CUL3: variants seen among roughly 807,000 people sequenced by gnomAD.
CUL3 encodes the protein cullin-3.
A neutral mutation model predicts 89.1 loss-of-function variants in CUL3; 19 were observed. The ratio of observed to expected loss-of-function variants is 0.21; its 90% CI spans 0.15 to 0.31. CUL3 has a LOEUF of 0.31. Ranked by LOEUF, CUL3 falls within the 10% of genes least tolerant of loss-of-function variation. The pLI is 1.00. For synonymous variants in CUL3, 351 were observed against 308.4 expected, an observed-to-expected ratio of 1.14 and a Z score of -1.45; for missense variants, 469 against 942.3, an observed-to-expected ratio of 0.50 and a Z score of 6.58.
At position 224,585,229 on chromosome 2, in the gene CUL3, G is replaced by A. The variant is rs193226396; in HGVS notation, c.-220C>T. On this transcript the variant is annotated 5_prime_UTR_variant, in exon 1 of 16. Transcript: ENST00000264414. ...GACTCTGGCGACTCCGATGCGGCTG[G>A]GGGGCTGCGCTGGCGCGGCGGCTCC... is the stretch of plus-strand genomic sequence containing the variant. 0.034 allele frequency: 13,314 copies of A among 387,820 alleles called. 298 individuals are homozygous for A. The highest frequency in any genetic ancestry group is 0.044 in the Non-Finnish European group (9,866 of 222,224). 24.0% of individuals were successfully genotyped at this position (387,820 alleles called of 1,614,324 possible).
rs569590885 is a variant in CUL3, at chr2:224,535,209, C to T, written c.378+319G>A. 2.6e-5 allele frequency among the ~76,000 whole-genome samples: 4 copies of T among 152,202 alleles called. No homozygotes were observed. In the South Asian group the frequency reaches 6.2e-4, roughly 24 times the overall value. Reference sequence around the variant, plus strand: ...TGAAATGTTTAATTTCTTTTTGAGACGGAGTTTCACTCTGTTGCCCAAGTG... The same window carrying T: ...TGAAATGTTTAATTTCTTTTTGAGATGGAGTTTCACTCTGTTGCCCAAGTG... On this transcript the variant is annotated intron_variant, in intron 3 of 15. Transcript: ENST00000264414.
At chr2:224,540,953 A>G (rs1694080320) in intron 2 of CUL3, among the ~76,000 whole-genome samples, 1 of 152,232 alleles carries the variant, frequency 6.6e-6, no homozygotes, top group African/African-American at 2.4e-5. Context: ...CCTTTGGTTT[A>G]GAAGAAAAAT....
At chr2:224,478,526 T>C in intron 14 of CUL3, 181 bp from the exon 15 acceptor site, 1 of 454,624 alleles carries the variant, frequency 2.2e-6, no homozygotes, top group South Asian at 6.7e-5. Flanking sequence ...TACTAAATTA[T>C]CCTTTTCAAA....
chr2:224,583,688 A>G (rs1054135145), intron 1 of CUL3, among the ~76,000 whole-genome samples: 4 of 152,228 alleles, frequency 2.6e-5, no homozygotes, highest in African/African-American at 7.2e-5. Flanking sequence ...ATGTTCTTAC[A>G]ATTTCAGAAT....
chr2:224,499,525 T>C (rs924891478), intron 11 of CUL3: 6 of 230,650 alleles, frequency 2.6e-5, no homozygotes, highest in Admixed American at 1.6e-4. Context: ...CCAGTAGATG[T>C]TCTAGAGTAG....
intron 8 of CUL3, chr2:224,504,358 C>CTGGA (rs1692508488): frequency 6.6e-6 from 1 of 152,194 alleles, no homozygotes; most frequent in African/African-American, 2.4e-5. Context: ...GTTGCCCAGG[C>CTGGA]TGGAGCGCAA....
intron 1 of CUL3, chr2:224,560,311 A>G (rs1694863030): frequency 6.6e-6 from 1 of 151,650 alleles, no homozygotes; most frequent in Non-Finnish European, 1.5e-5. Flanking sequence ...GAGTTGATCT[A>G]TTCTCATGGT....
intron 2 of CUL3, among the ~76,000 whole-genome samples, chr2:224,537,586 T>G (rs78495440): frequency 1.4e-3 from 207 of 152,272 alleles, no homozygotes; most frequent in Middle Eastern, 0.01. Flanking sequence ...CCCAGCAAGC[T>G]GAAAACGTGC....
chr2:224,490,845 CAG>C (rs902690154), intron 13 of CUL3, among the ~76,000 whole-genome samples: 3 of 152,054 alleles, frequency 2.0e-5, no homozygotes, highest in African/African-American at 7.2e-5. Flanking sequence ...TTTTTAATAA[CAG>C]AGAATACAAC....
At chr2:224,516,223 T>C (rs1341930491) in intron 3 of CUL3, among the ~76,000 whole-genome samples, 1 of 152,182 alleles carries the variant, frequency 6.6e-6, no homozygotes, top group East Asian at 1.9e-4. Flanking sequence ...TCAAAATGCT[T>C]ATTGATGACT....
At position 224,515,216 on chromosome 2, in the gene CUL3, A is replaced by G. The variant is rs149057311; in HGVS notation, c.379-444T>C. 7.9e-5 allele frequency among the ~76,000 whole-genome samples: 12 copies of G among 152,368 alleles called. No homozygotes were observed. In the East Asian group the frequency reaches 2.3e-3, roughly 29 times the overall value. On this transcript the variant is annotated intron_variant, in intron 3 of 15. Coordinates refer to ENST00000264414, the MANE Select transcript of CUL3 (RefSeq NM_003590.5). ...CTTAGATTGATTGTTACTGATAAATATTTAAAAGGCTTTAATGCATAAAAT... is the reference window on the plus strand; with the variant it reads ...CTTAGATTGATTGTTACTGATAAATGTTTAAAAGGCTTTAATGCATAAAAT...
intron 10 of CUL3, among the ~76,000 whole-genome samples, chr2:224,501,166 G>A (rs760756484): frequency 2.0e-5 from 3 of 151,830 alleles, no homozygotes; most frequent in Admixed American, 6.6e-5. Flanking sequence ...AATATCCTTC[G>A]TCTCAGTTTT....
Position 224,571,689 on chromosome 2 carries a change from C to T in CUL3, c.66+13255G>A, listed in dbSNP as rs536734061. ...TACACAAGAACACAGCTAACTTTCC[C>T]ACTGCTTCACATTAGAACTTAACCA... On this transcript the variant is annotated intron_variant, in intron 1 of 15. Coordinates refer to ENST00000264414, the MANE Select transcript of CUL3 (RefSeq NM_003590.5). Among the ~76,000 whole-genome samples the T allele has an allele frequency of 2.0e-5, 3 of 152,288 alleles. No individual in the cohort carries two copies. The East Asian group carries it at 5.8e-4, about 29-fold the overall frequency.
intron 1 of CUL3, among the ~76,000 whole-genome samples, chr2:224,566,140 T>C (rs1044074356): frequency 4.6e-5 from 7 of 152,198 alleles, no homozygotes; most frequent in African/African-American, 4.8e-5. Context: ...ACCTTCAGTT[T>C]TGAAGAACTC....
chr2:224,545,863 CATAAAG>C lies in CUL3; in HGVS notation c.265-10228_265-10223del, dbSNP rs1397755245. Among the ~76,000 whole-genome samples, 3 of 152,274 alleles carry C rather than the reference CATAAAG, an allele frequency of 2.0e-5. No homozygotes were observed. The East Asian group carries it at 5.8e-4, about 29-fold the overall frequency. On this transcript the variant is annotated intron_variant, in intron 2 of 15. Coordinates refer to ENST00000264414, the MANE Select transcript of CUL3 (RefSeq NM_003590.5). ...GACAATACACTTTCACAATTTCATA[CATAAAG>C]ATAATTTGCTACGTGTTGAAGCAAA...
chr2:224,509,446 A>C (rs1182515408), intron 6 of CUL3, among the ~76,000 whole-genome samples: 1 of 152,200 alleles, frequency 6.6e-6, no homozygotes, highest in African/African-American at 2.4e-5. Context: ...TAAACTCCTG[A>C]GCTCAAGCGA....
intron 1 of CUL3, among the ~76,000 whole-genome samples, chr2:224,578,352 AATG>A (rs1695357592): frequency 6.6e-6 from 1 of 151,350 alleles, no homozygotes; most frequent in Non-Finnish European, 1.5e-5. Flanking sequence ...CAGCATATAC[AATG>A]ATTATCTTAC....
chr2:224,473,405 G>A lies in CUL3; in HGVS notation c.*840C>T, dbSNP rs561931113. The A allele has an allele frequency of 7.9e-5, 15 of 190,700 alleles. No homozygotes were observed. Among genetic ancestry groups the A allele is most frequent in the African/African-American group, 1.2e-4 (5 of 42,878 alleles). 11.8% of individuals were successfully genotyped at this position (190,700 alleles called of 1,614,324 possible). A position where few individuals can be genotyped will look rare whatever the true frequency, so the allele number is the denominator to read the frequency against. ...TGCTCTGACATACTTGAATTAGTGG[G>A]TATGTGTATACTAAATTCATTATTT... On this transcript the variant is annotated 3_prime_UTR_variant, in exon 16 of 16. Coordinates refer to ENST00000264414, the MANE Select transcript of CUL3 (RefSeq NM_003590.5).
At chr2:224,504,765 C>G (rs1190279205) in intron 8 of CUL3, among the ~76,000 whole-genome samples, 2 of 152,204 alleles carry the variant, frequency 1.3e-5, no homozygotes, top group Non-Finnish European at 2.9e-5. Context: ...CCTGTAAAAC[C>G]TGTGACGACA....
Sources: allele counts gnomAD v4.1 joint callset (sites outside exome capture counted in the v4.1 genomes callset), GRCh38; gene constraint gnomAD v4.1.1; transcripts MANE v1.5; gene names NCBI Gene and HGNC (gene_info 2026-07-23, HGNC 2026-07-21).